Variants in LRRD1 observed in about 807,000 individuals in gnomAD.
LRRD1 encodes the protein leucine rich repeats and death domain containing 1.
A neutral mutation model predicts 69.5 loss-of-function variants in LRRD1; 49 were observed. The observed-to-expected ratio is 0.70, with a 90% confidence interval of 0.56 to 0.89. LRRD1 has a LOEUF of 0.89. Among genes scored for constraint, LRRD1 ranks in the 40% least tolerant of loss-of-function variants. The pLI is 0.00. For synonymous variants in LRRD1, 303 were observed against 338.9 expected (o/e 0.89, Z 1.16); for missense variants, 853 against 956.0 (o/e 0.89, Z 1.42).
At chr7:92,171,865 C>T (rs1789064193) in intron 1 of LRRD1, among the ~76,000 whole-genome samples, 1 of 152,238 alleles carries the variant, frequency 6.6e-6, no homozygotes, top group African/African-American at 2.4e-5. Flanking sequence ...GTTCATTCAA[C>T]ATATGAAAAT....
chr7:92,145,077 G>T lies in LRRD1; in HGVS notation c.2397-3C>A. 2 of 1,370,048 alleles carry T rather than the reference G, an allele frequency of 1.5e-6. No homozygotes were observed. The highest frequency in any genetic ancestry group is 1.9e-6 in the Non-Finnish European group (2 of 1,042,572). The allele number at this position is 1,370,048 out of a possible 1,614,324, so 84.9% of individuals were successfully genotyped here. A position where few individuals can be genotyped will look rare whatever the true frequency, so the allele number is the denominator to read the frequency against. ...CTCTCTCACTTAATGAAACAGTGCTGAAAAACATTATTAATAATATTAATA... is the reference window on the plus strand; with the variant it reads ...CTCTCTCACTTAATGAAACAGTGCTTAAAAACATTATTAATAATATTAATA... On this transcript the variant is annotated splice_region_variant and splice_polypyrimidine_tract_variant and intron_variant, in intron 5 of 5. Coordinates refer to ENST00000458448, the MANE Select transcript of LRRD1 (RefSeq NM_001161528.2).
downstream of LRRD1, chr7:92,142,942 C>G (rs997206220): frequency 4.0e-5 from 11 of 275,020 alleles, no homozygotes; most frequent in East Asian, 2.0e-4. Context: ...GGAAGGGGAC[C>G]GGAACAGGTT....
At chr7:92,156,985 T>C (rs191079706) in intron 3 of LRRD1, among the ~76,000 whole-genome samples, 13 of 152,182 alleles carry the variant, frequency 8.5e-5, no homozygotes, top group Non-Finnish European at 1.6e-4. Flanking sequence ...TTGTTTGTTT[T>C]TGAAAATCTT....
At chr7:92,161,259 T>C (rs1788789959) in intron 2 of LRRD1, among the ~76,000 whole-genome samples, 1 of 152,272 alleles carries the variant, frequency 6.6e-6, no homozygotes, top group African/African-American at 2.4e-5. Context: ...TATTTGGGCA[T>C]TTCATTTCCA....
chr7:92,163,275 C>T lies in LRRD1; in HGVS notation c.1917+11G>A, dbSNP rs1164715861. 1.2e-5 allele frequency: 17 copies of T among 1,419,248 alleles called. No homozygotes were observed. The highest frequency in any genetic ancestry group is 1.5e-5 in the Non-Finnish European group (16 of 1,080,672). The allele number at this position is 1,419,248 out of a possible 1,614,324, so 87.9% of individuals were successfully genotyped here. On this transcript the variant is annotated intron_variant, in intron 2 of 5. Transcript: ENST00000458448. ...TCCTTCCCCACAAAGCCCACAATAC[C>T]AGTCTCTTACCTTTCTCCCTTTTAT...
At chr7:92,171,813 T>A (rs929527978) in intron 1 of LRRD1, among the ~76,000 whole-genome samples, 4 of 152,236 alleles carry the variant, frequency 2.6e-5, no homozygotes, top group African/African-American at 9.6e-5. Context: ...GGAAGATTAT[T>A]TACTATGATC....
At chr7:92,162,727 C>G (rs1788815545) in intron 2 of LRRD1, among the ~76,000 whole-genome samples, 4 of 151,938 alleles carry the variant, frequency 2.6e-5, no homozygotes, top group African/African-American at 9.7e-5. Flanking sequence ...AGGTTTAGAT[C>G]TATAAATCAT....
intron 1 of LRRD1, among the ~76,000 whole-genome samples, chr7:92,171,099 A>C (rs1173978227): frequency 3.3e-5 from 5 of 152,176 alleles, no homozygotes; most frequent in African/African-American, 1.2e-4. Context: ...AAGTAGGAAG[A>C]TTTCAAATAA....
chr7:92,147,449 T>G (rs1391016391), intron 4 of LRRD1, among the ~76,000 whole-genome samples: 2 of 151,098 alleles, frequency 1.3e-5, no homozygotes, highest in African/African-American at 2.4e-5. Flanking sequence ...TTCCTTCAAT[T>G]CTGGCTTTTT....
chr7:92,144,628 CAAA>C (rs61338977), downstream of LRRD1, among the ~76,000 whole-genome samples: 9,308 of 85,832 alleles, frequency 0.11, 729 homozygotes, highest in African/African-American at 0.28. Context: ...AACTCCATCT[CAAA>C]AAAAAAAAAA....
rs780430407 is a variant in LRRD1, at chr7:92,165,068, A to G, written c.135T>C (p.Asp45=). 1.3e-6 allele frequency: 2 copies of G among 1,551,664 alleles called. No homozygotes were observed. The highest frequency in any genetic ancestry group is 1.2e-5 in the South Asian group (1 of 84,058). Residue 45 remains aspartate (D), a synonymous_variant, in exon 2 of 6, where the codon GAT becomes GAC. Coordinates refer to ENST00000458448, the MANE Select transcript of LRRD1 (RefSeq NM_001161528.2). Reference sequence around the variant, plus strand: ...GGTTAGAAGATTTCCCTTCCAGGTAATCAGAAGCTTCGTTTATCAAATTTG... The same window carrying G: ...GGTTAGAAGATTTCCCTTCCAGGTAGTCAGAAGCTTCGTTTATCAAATTTG... ...ETSNLINEAS[D]YLEGKSSNQI...
chr7:92,155,822 G>C (rs1035860542), intron 3 of LRRD1, among the ~76,000 whole-genome samples: 1 of 152,228 alleles, frequency 6.6e-6, no homozygotes, highest in Non-Finnish European at 1.5e-5. Context: ...GTAAGTCCAA[G>C]AGTGCAAAAG....
downstream of LRRD1, among the ~76,000 whole-genome samples, chr7:92,143,140 C>A (rs369255251): frequency 1.3e-5 from 2 of 152,048 alleles, no homozygotes; most frequent in Non-Finnish European, 2.9e-5. Flanking sequence ...TACAGAGTGT[C>A]GATTGGTGTA....
intron 3 of LRRD1, among the ~76,000 whole-genome samples, chr7:92,157,650 A>T (rs1584655397): frequency 6.7e-6 from 1 of 150,122 alleles, no homozygotes; most frequent in Non-Finnish European, 1.5e-5. Context: ...GCTCATTGCA[A>T]CCCCCGCCTC....
intron 3 of LRRD1, among the ~76,000 whole-genome samples, chr7:92,155,045 C>A (rs1788621985): frequency 6.6e-6 from 1 of 152,144 alleles, no homozygotes; most frequent in Non-Finnish European, 1.5e-5. Context: ...ACAATTTCAT[C>A]GATAGAATAT....
At chr7:92,153,524 C>T (rs1440914225) in intron 3 of LRRD1, among the ~76,000 whole-genome samples, 1 of 147,614 alleles carries the variant, frequency 6.8e-6, no homozygotes, top group Non-Finnish European at 1.5e-5. Flanking sequence ...CTTTGCTTTT[C>T]ATTCTTTTAA....
intron 5 of LRRD1, 30 bp from the exon 6 acceptor site, chr7:92,145,104 TTAAA>T (rs775546717): frequency 9.1e-7 from 1 of 1,098,904 alleles, no homozygotes; most frequent in South Asian, 3.0e-5. Context: ...ATATTAATAG[TTAAA>T]TATTTATTAA....
Position 92,165,284 on chromosome 7 carries a change from A to G in LRRD1, c.-74-8T>C. The G allele has an allele frequency of 1.3e-6, 1 of 760,084 alleles. No homozygotes were observed. The highest frequency in any genetic ancestry group is 1.9e-6 in the Non-Finnish European group (1 of 525,088). 47.1% of individuals were successfully genotyped at this position (760,084 alleles called of 1,614,324 possible). ...ATGTTTTTTCCTTTGAATCTACAAAACAAATGTTGAAATTAAAAGATGTAA... is the reference window on the plus strand; with the variant it reads ...ATGTTTTTTCCTTTGAATCTACAAAGCAAATGTTGAAATTAAAAGATGTAA... On this transcript the variant is annotated splice_polypyrimidine_tract_variant and splice_region_variant and intron_variant, in intron 1 of 5. Coordinates refer to ENST00000458448, the MANE Select transcript of LRRD1 (RefSeq NM_001161528.2).
intron 1 of LRRD1, among the ~76,000 whole-genome samples, chr7:92,178,468 C>T (rs1453787608): frequency 6.6e-6 from 1 of 151,940 alleles, no homozygotes; most frequent in African/African-American, 2.4e-5. Context: ...GTCAGGAGTT[C>T]GAGACCAGCC....
Sources: allele counts gnomAD v4.1 joint callset (sites outside exome capture counted in the v4.1 genomes callset), GRCh38; gene constraint gnomAD v4.1.1; transcripts MANE v1.5; gene names NCBI Gene and HGNC (gene_info 2026-07-23, HGNC 2026-07-21).